The following CERS6 variants were observed in gnomAD, a reference collection of about 807,000 sequenced individuals.
CERS6 encodes the protein ceramide synthase 6.
CERS6 carries 26 observed loss-of-function variants against 56.8 expected under a neutral mutation model. The observed-to-expected ratio is 0.46, with a 90% confidence interval of 0.34 to 0.63. The LOEUF (loss-of-function observed/expected upper bound fraction) is 0.63, where lower values mean the gene tolerates loss of function less well. Among genes scored for constraint, CERS6 ranks in the 30% least tolerant of loss-of-function variants. CERS6 has a pLI of 0.01. For missense variants in CERS6, 415 were observed against 467.5 expected, an observed-to-expected ratio of 0.89 and a Z score of 1.04; for synonymous variants, 164 against 173.3, an observed-to-expected ratio of 0.95 and a Z score of 0.42.
intron 1 of CERS6, among the ~76,000 whole-genome samples, chr2:168,535,281 A>G (rs927040223): frequency 6.6e-6 from 1 of 152,226 alleles, no homozygotes; most frequent in Admixed American, 6.5e-5. Flanking sequence ...TTCCAGCTGA[A>G]GGGCTATTGA....
At chr2:168,495,256 G>C (rs1437848277) in intron 1 of CERS6, among the ~76,000 whole-genome samples, 1 of 152,216 alleles carries the variant, frequency 6.6e-6, no homozygotes, top group African/African-American at 2.4e-5. Context: ...TGAGGAGTAT[G>C]TTAAAAAATT....
chr2:168,629,243 A>G (rs1342060529), intron 3 of CERS6, among the ~76,000 whole-genome samples: 2 of 152,222 alleles, frequency 1.3e-5, no homozygotes, highest in African/African-American at 2.4e-5. Context: ...ACTTTTTTAT[A>G]CATAAAAACT....
At chr2:168,602,476 T>C (rs1559016131) in intron 3 of CERS6, among the ~76,000 whole-genome samples, 1 of 152,134 alleles carries the variant, frequency 6.6e-6, no homozygotes, top group Non-Finnish European at 1.5e-5. Flanking sequence ...CAGATCCACC[T>C]ACCTATGTGG....
chr2:168,485,674 T>C (rs1341345465), intron 1 of CERS6, among the ~76,000 whole-genome samples: 2 of 152,196 alleles, frequency 1.3e-5, no homozygotes, highest in African/African-American at 2.4e-5. Context: ...TTTTCATCCA[T>C]TGATAATTCA....
At chr2:168,689,282 C>T (rs1187943062) in intron 4 of CERS6, among the ~76,000 whole-genome samples, 2 of 152,076 alleles carry the variant, frequency 1.3e-5, no homozygotes, top group East Asian at 1.9e-4. Flanking sequence ...TCAGAGAGAA[C>T]GGCAATAACT....
chr2:168,464,831 A>G (rs1693843215), intron 1 of CERS6, among the ~76,000 whole-genome samples: 2 of 152,240 alleles, frequency 1.3e-5, no homozygotes, highest in East Asian at 1.9e-4. Context: ...CTACAAATCA[A>G]AACCACTATG....
At chr2:168,706,794 A>G (rs1378789627) in intron 6 of CERS6, among the ~76,000 whole-genome samples, 1 of 152,210 alleles carries the variant, frequency 6.6e-6, no homozygotes, top group Non-Finnish European at 1.5e-5. Flanking sequence ...TTCCAATATG[A>G]TGCTTTCCCA....
At chr2:168,589,714 T>G (rs1046455547) in intron 3 of CERS6, among the ~76,000 whole-genome samples, 6 of 152,254 alleles carry the variant, frequency 3.9e-5, no homozygotes, top group African/African-American at 1.4e-4. Flanking sequence ...CTTAATTTAT[T>G]AAAGATGTCT....
chr2:168,615,535 CT>C (rs1429006487), intron 3 of CERS6, among the ~76,000 whole-genome samples: 1 of 147,818 alleles, frequency 6.8e-6, no homozygotes, highest in Non-Finnish European at 1.5e-5. Context: ...ACAATAAAAA[CT>C]TTAGGAAATA....
intron 1 of CERS6, among the ~76,000 whole-genome samples, chr2:168,539,914 G>T (rs556026457): frequency 6.6e-6 from 1 of 152,248 alleles, no homozygotes; most frequent in South Asian, 2.1e-4. Context: ...TTAATTGGTT[G>T]TGATTAATTT....
chr2:168,641,000 G>A (rs1025484743), intron 4 of CERS6, among the ~76,000 whole-genome samples: 2 of 152,112 alleles, frequency 1.3e-5, no homozygotes, highest in Middle Eastern at 3.2e-3. Context: ...AGATGATGGT[G>A]GAGAGTCATT....
chr2:168,558,671 C>T (rs1188042650), intron 2 of CERS6, among the ~76,000 whole-genome samples: 2 of 152,180 alleles, frequency 1.3e-5, no homozygotes, highest in Non-Finnish European at 2.9e-5. Context: ...AGATCGAGAC[C>T]ATCCTGGCTA....
chr2:168,646,532 C>A (rs1351464464), intron 4 of CERS6, among the ~76,000 whole-genome samples: 1 of 152,140 alleles, frequency 6.6e-6, no homozygotes, highest in African/African-American at 2.4e-5. Flanking sequence ...TGCAGAAGCT[C>A]TTAAGTTAAT....
At chr2:168,688,162 G>A (rs147524356) in intron 4 of CERS6, among the ~76,000 whole-genome samples, 256 of 152,230 alleles carry the variant, frequency 1.7e-3, no homozygotes, top group African/African-American at 6.1e-3. Context: ...TTTCTAAATT[G>A]AGGGGTTTTA....
In CERS6 at chr2:168,645,512, TA is replaced by T. The variant is rs560000166; in HGVS notation, c.465+14475del. On this transcript the variant is annotated intron_variant, in intron 4 of 9. Transcript: ENST00000305747. ...TAAAAAAGTTATGCTTAGTATAAAA[TA>T]AAAATAATTTTATTTAAAAAAATCT... Among the ~76,000 whole-genome samples the T allele has an allele frequency of 2.1e-3, 317 of 152,182 alleles. 2 individuals are homozygous for T. Among genetic ancestry groups the T allele is most frequent in the African/African-American group, 7.2e-3 (300 of 41,554 alleles).
intron 6 of CERS6, among the ~76,000 whole-genome samples, chr2:168,695,418 C>T (rs1686621467): frequency 6.6e-6 from 1 of 152,072 alleles, no homozygotes; most frequent in Non-Finnish European, 1.5e-5. Flanking sequence ...TGTTTCAACC[C>T]TACAGAATTA....
At chr2:168,739,354 G>A (rs919649830) in intron 8 of CERS6, among the ~76,000 whole-genome samples, 11 of 152,188 alleles carry the variant, frequency 7.2e-5, no homozygotes, top group Admixed American at 2.6e-4. Context: ...GAGCAAAAGC[G>A]GAGAGGGAAG....
chr2:168,729,351 A>G (rs115483480), intron 8 of CERS6, among the ~76,000 whole-genome samples: 214 of 152,282 alleles, frequency 1.4e-3, no homozygotes, highest in Non-Finnish European at 2.5e-3. Context: ...GTCGTCAACT[A>G]TGTTTCTATT....
chr2:168,639,229 A>AG (rs1258390835), intron 4 of CERS6, among the ~76,000 whole-genome samples: 2 of 152,220 alleles, frequency 1.3e-5, no homozygotes, highest in Non-Finnish European at 2.9e-5. Context: ...CTTTGGCCGG[A>AG]GGCAGTGCCT....
Sources: gnomAD v4.1 joint callset for allele counts (sites outside exome capture counted in the v4.1 genomes callset) on GRCh38, gnomAD v4.1.1 for gene constraint, MANE v1.5 for transcripts, NCBI Gene and HGNC (gene_info 2026-07-23, HGNC 2026-07-21) for gene names.